The following NHSL3 variants were observed in gnomAD, a reference collection of about 807,000 sequenced individuals.
NHSL3 encodes NHS-like protein 3.
At chr1:32,753,269 G>C in the NHSL3 span, among the ~76,000 whole-genome samples, 9,147 of 151,862 alleles carry the variant, frequency 0.06, 362 homozygotes, top group Admixed American at 0.091. Flanking sequence ...CATATCACCT[G>C]AGGTCAGGAG....
the NHSL3 span, among the ~76,000 whole-genome samples, chr1:32,746,244 A>AAG: frequency 2.2e-3 from 310 of 142,612 alleles, 59 homozygotes; most frequent in South Asian, 7.5e-3. Flanking sequence ...AAAAAAAAAA[A>AAG]AAACAAAAAA....
the NHSL3 span, among the ~76,000 whole-genome samples, chr1:32,761,688 C>CT: frequency 6.6e-6 from 1 of 152,160 alleles, no homozygotes; most frequent in Non-Finnish European, 1.5e-5. Context: ...TTGTAAGAGC[C>CT]ATGAGGACAG....
the NHSL3 span, among the ~76,000 whole-genome samples, chr1:32,761,868 G>C: frequency 6.6e-6 from 1 of 152,108 alleles, no homozygotes; most frequent in Non-Finnish European, 1.5e-5. Context: ...AGGTGGTCGA[G>C]AAACCTCCAA....
At chr1:32,756,483 G>A in the NHSL3 span, among the ~76,000 whole-genome samples, 482 of 36,538 alleles carry the variant, frequency 0.013, 5 homozygotes, top group African/African-American at 0.05. Context: ...CCCCCCCCCC[G>A]CCCATTTCTA....
chr1:32,772,009 A>G, the NHSL3 span: 1 of 1,602,976 alleles, frequency 6.2e-7, no homozygotes, highest in Non-Finnish European at 8.5e-7. Flanking sequence ...CCTGGCCGCC[A>G]GTGAAGGCCT....
At chr1:32,761,196 G>T in the NHSL3 span, among the ~76,000 whole-genome samples, 2 of 152,162 alleles carry the variant, frequency 1.3e-5, no homozygotes, top group Admixed American at 6.5e-5. Context: ...GACTCTAAGC[G>T]TGGCTGTGGG....
At chr1:32,772,145 C>G in the NHSL3 span, 1 of 1,613,360 alleles carries the variant, frequency 6.2e-7, no homozygotes, top group East Asian at 2.2e-5. Context: ...CCCGTGTCCC[C>G]TGAGACCCAG....
At chr1:32,763,930 G>A in the NHSL3 span, among the ~76,000 whole-genome samples, 2 of 152,064 alleles carry the variant, frequency 1.3e-5, no homozygotes, top group East Asian at 3.9e-4. Flanking sequence ...GCTCAAACAT[G>A]GCTCACGGCA....
the NHSL3 span, among the ~76,000 whole-genome samples, chr1:32,749,962 C>T: frequency 2.6e-5 from 4 of 152,166 alleles, no homozygotes; most frequent in Non-Finnish European, 5.9e-5. Context: ...AGCACTTGCT[C>T]CTTGGAAATC....
At chr1:32,752,944 CACACACATATAT>C in the NHSL3 span, among the ~76,000 whole-genome samples, 47 of 25,524 alleles carry the variant, frequency 1.8e-3, no homozygotes, top group African/African-American at 4.2e-3. Flanking sequence ...CACACACACA[CACACACATATAT>C]ATATATATAT....
the NHSL3 span, among the ~76,000 whole-genome samples, chr1:32,752,900 T>TGC: frequency 2.1e-4 from 19 of 91,258 alleles, no homozygotes; most frequent in East Asian, 1.6e-3. Context: ...AAAAAAAACA[T>TGC]GCACACACAC....
chr1:32,760,598 T>G, the NHSL3 span, among the ~76,000 whole-genome samples: 1 of 150,586 alleles, frequency 6.6e-6, no homozygotes, highest in African/African-American at 2.4e-5. Flanking sequence ...GTTTTTTTTT[T>G]TTTTTTGTTT....
the NHSL3 span, among the ~76,000 whole-genome samples, chr1:32,756,514 G>A: frequency 8.4e-6 from 1 of 119,638 alleles, no homozygotes; most frequent in Non-Finnish European, 1.6e-5. Context: ...AACAGTATCT[G>A]GGCGTGGTGG....
chr1:32,765,753 G>T, the NHSL3 span: 1 of 1,547,328 alleles, frequency 6.5e-7, no homozygotes, highest in South Asian at 1.2e-5. Flanking sequence ...GGAACGTCTC[G>T]AGTGGCGCCC....
At chr1:32,765,224 C>T in the NHSL3 span, among the ~76,000 whole-genome samples, 1 of 152,212 alleles carries the variant, frequency 6.6e-6, no homozygotes, top group Non-Finnish European at 1.5e-5. Context: ...CTGGCCCCTG[C>T]CCCTCTGGGG....
the NHSL3 span, among the ~76,000 whole-genome samples, chr1:32,760,518 T>C: frequency 1.3e-5 from 2 of 151,792 alleles, no homozygotes; most frequent in Non-Finnish European, 2.9e-5. Flanking sequence ...TGTGGGTCTG[T>C]GCGGTCGCTC....
At chr1:32,755,436 T>C in the NHSL3 span, among the ~76,000 whole-genome samples, 1 of 151,162 alleles carries the variant, frequency 6.6e-6, no homozygotes, top group Non-Finnish European at 1.5e-5. Flanking sequence ...ATGGAGGGGG[T>C]GGTGGAAAGA....
the NHSL3 span, among the ~76,000 whole-genome samples, chr1:32,757,667 C>T: frequency 2.6e-5 from 4 of 152,146 alleles, no homozygotes; most frequent in African/African-American, 9.7e-5. Flanking sequence ...CCTTTGTCCT[C>T]CAACAGTCCC....
chr1:32,768,051 G>T, the NHSL3 span: 1 of 1,613,896 alleles, frequency 6.2e-7, no homozygotes, highest in Non-Finnish European at 8.5e-7. Context: ...GACCCTTCTG[G>T]TGTCTTCCAG....
Sources: allele counts gnomAD v4.1 joint callset (sites outside exome capture counted in the v4.1 genomes callset), GRCh38; gene constraint gnomAD v4.1.1; transcripts MANE v1.5; gene names NCBI Gene and HGNC (gene_info 2026-07-23, HGNC 2026-07-21).